The following GALNTL6 variants were observed in gnomAD, a reference collection of about 807,000 sequenced individuals.
GALNTL6 encodes polypeptide N-acetylgalactosaminyltransferase like 6.
In GALNTL6, 46 loss-of-function variants were observed where a neutral mutation model predicts 73.7. That is an observed-to-expected ratio of 0.62 (90% CI 0.49 to 0.80). GALNTL6 has a LOEUF of 0.80. GALNTL6 is among the 30% of genes least tolerant of loss of function. The pLI, the probability that GALNTL6 is intolerant of heterozygous loss-of-function variation, is 0.00. For synonymous variants in GALNTL6, 259 were observed against 263.7 expected (o/e 0.98, Z 0.17); for missense variants, 604 against 755.0 (o/e 0.80, Z 2.34).
At chr4:172,233,136 C>A (rs1737127003) in intron 3 of GALNTL6, among the ~76,000 whole-genome samples, 2 of 147,462 alleles carry the variant, frequency 1.4e-5, no homozygotes, top group Non-Finnish European at 3.0e-5. Flanking sequence ...CGGGTGGCAG[C>A]AGAGGGAGGA....
In GALNTL6 at chr4:172,533,427, C is replaced by T. The variant is rs530266370; in HGVS notation, c.553+184738C>T. On this transcript the variant is annotated intron_variant, in intron 5 of 12. Coordinates refer to ENST00000506823, the MANE Select transcript of GALNTL6 (RefSeq NM_001034845.3). ...GCAACCTCCGCCTCCCCAGTTCAAG[C>T]GATTCTTCTGCCTCAGCCTCCTGAG... Among the ~76,000 whole-genome samples, 4 of 135,082 alleles carry T rather than the reference C, an allele frequency of 3.0e-5. No individual in the cohort carries two copies. The South Asian group carries it at 7.6e-4, about 26-fold the overall frequency. The allele number at this position is 135,082 out of a possible 152,430, so 88.6% of individuals were successfully genotyped here. A position where few individuals can be genotyped will look rare whatever the true frequency, so the allele number is the denominator to read the frequency against.
intron 5 of GALNTL6, among the ~76,000 whole-genome samples, chr4:172,420,307 G>T (rs553154319): frequency 6.6e-6 from 1 of 152,206 alleles, no homozygotes; most frequent in African/African-American, 2.4e-5. Flanking sequence ...AGTCCGTGGT[G>T]TAGCACCATA....
At chr4:172,497,403 A>C (rs1446328229) in intron 5 of GALNTL6, among the ~76,000 whole-genome samples, 1 of 152,200 alleles carries the variant, frequency 6.6e-6, no homozygotes, top group East Asian at 1.9e-4. Flanking sequence ...TTACCTGATG[A>C]TTTTTCTAAA....
intron 5 of GALNTL6, among the ~76,000 whole-genome samples, chr4:172,468,086 C>T (rs551922166): frequency 1.3e-5 from 2 of 151,958 alleles, no homozygotes; most frequent in Non-Finnish European, 2.9e-5. Context: ...GAGATAAAGT[C>T]TTGAGATGTT....
rs111603835 is a variant in GALNTL6, at chr4:171,893,099, G to A, written c.138+78381G>A. On this transcript the variant is annotated intron_variant, in intron 2 of 12. Transcript: ENST00000506823. ...CCGGTTTCACAAATGGATAATGTGC[G>A]GTTTATTGATGTTGAGGTCTTTCCT... Among the ~76,000 whole-genome samples the A allele has an allele frequency of 1.8e-3, 268 of 152,224 alleles. 1 individual carries two copies. The highest frequency in any genetic ancestry group is 5.9e-3 in the African/African-American group (244 of 41,542).
At chr4:172,882,398 T>A (rs892535112) in intron 7 of GALNTL6, among the ~76,000 whole-genome samples, 1 of 152,210 alleles carries the variant, frequency 6.6e-6, no homozygotes, top group Admixed American at 6.5e-5. Context: ...TCAATACTTT[T>A]ATATGTCTGA....
At chr4:172,588,391 C>T (rs1475417010) in intron 5 of GALNTL6, among the ~76,000 whole-genome samples, 2 of 152,038 alleles carry the variant, frequency 1.3e-5, no homozygotes, top group Non-Finnish European at 2.9e-5. Context: ...GCCAGGATTT[C>T]GAGACCAGCT....
intron 5 of GALNTL6, among the ~76,000 whole-genome samples, chr4:172,436,973 T>C (rs957309547): frequency 1.3e-5 from 2 of 152,102 alleles, no homozygotes; most frequent in African/African-American, 4.8e-5. Flanking sequence ...CAGTACTTTA[T>C]TTCCATACGG....
At chr4:172,335,558 G>A (rs924459134) in intron 4 of GALNTL6, among the ~76,000 whole-genome samples, 1 of 152,156 alleles carries the variant, frequency 6.6e-6, no homozygotes. Context: ...GAATTTGGCT[G>A]TGAATTCTTC....
intron 2 of GALNTL6, among the ~76,000 whole-genome samples, chr4:171,949,900 G>T (rs1738819654): frequency 6.6e-6 from 1 of 152,104 alleles, no homozygotes; most frequent in Non-Finnish European, 1.5e-5. Context: ...ATTTTAAAAA[G>T]GAGGTTTGGG....
intron 2 of GALNTL6, among the ~76,000 whole-genome samples, chr4:171,834,922 T>C (rs1735062173): frequency 6.6e-6 from 1 of 152,090 alleles, no homozygotes; most frequent in Non-Finnish European, 1.5e-5. Flanking sequence ...TTGAAGAACC[T>C]TGTAGAGATA....
intron 2 of GALNTL6, among the ~76,000 whole-genome samples, chr4:172,090,684 A>C (rs1330726367): frequency 1.3e-5 from 2 of 151,972 alleles, no homozygotes; most frequent in Non-Finnish European, 2.9e-5. Flanking sequence ...GCTGTGCAGA[A>C]GCTCTTTAGT....
intron 2 of GALNTL6, among the ~76,000 whole-genome samples, chr4:171,980,980 T>C (rs1382165011): frequency 6.6e-6 from 1 of 152,228 alleles, no homozygotes; most frequent in South Asian, 2.1e-4. Context: ...TCAAGTGTTA[T>C]AAATGAAACA....
At chr4:172,981,796 C>CTTTTT (rs56273122) in intron 10 of GALNTL6, among the ~76,000 whole-genome samples, 1 of 101,816 alleles carries the variant, frequency 9.8e-6, no homozygotes, top group Non-Finnish European at 1.9e-5. Context: ...GTATGAACGT[C>CTTTTT]TTTTTTTTTT....
At chr4:172,917,800 G>T (rs1255826062) in intron 8 of GALNTL6, among the ~76,000 whole-genome samples, 1 of 152,210 alleles carries the variant, frequency 6.6e-6, no homozygotes, top group East Asian at 1.9e-4. Flanking sequence ...CACTGTTGGT[G>T]GGACTGTAAA....
At position 172,229,608 on chromosome 4, in the gene GALNTL6, A is replaced by G. The variant is rs2110967161; in HGVS notation, c.139-48A>G. ...GCCCGGCTGTGTTTACCTACCATGC[A>G]AAAGGAAATACCTCCTTTTTATGCT... On this transcript the variant is annotated intron_variant, in intron 2 of 12. Coordinates refer to ENST00000506823, the MANE Select transcript of GALNTL6 (RefSeq NM_001034845.3). 3 of 1,228,282 alleles carry G rather than the reference A, an allele frequency of 2.4e-6. No individual in the cohort carries two copies. In the East Asian group the frequency reaches 7.0e-5, roughly 29 times the overall value. 76.1% of individuals were successfully genotyped at this position (1,228,282 alleles called of 1,614,324 possible).
At chr4:172,079,861 T>G (rs945413673) in intron 2 of GALNTL6, among the ~76,000 whole-genome samples, 7 of 152,026 alleles carry the variant, frequency 4.6e-5, no homozygotes, top group Non-Finnish European at 2.9e-5. Flanking sequence ...TTTGTTCTCT[T>G]TAACTTTTTA....
At chr4:172,188,291 A>G (rs556271028) in intron 2 of GALNTL6, among the ~76,000 whole-genome samples, 1 of 152,354 alleles carries the variant, frequency 6.6e-6, no homozygotes, top group African/African-American at 2.4e-5. Context: ...ATGTTGTCCA[A>G]AATGAAATAC....
At position 171,928,307 on chromosome 4, in the gene GALNTL6, T is replaced by G. The variant is rs150681143; in HGVS notation, c.138+113589T>G. ...ATTTCTTCTTAAAAGATGGAGAGTT[T>G]GAGGTCAGGGAGTTTAAAATTTTTC... On this transcript the variant is annotated intron_variant, in intron 2 of 12. Transcript: ENST00000506823. Among the ~76,000 whole-genome samples, 213 of 152,276 alleles carry G rather than the reference T, an allele frequency of 1.4e-3. 1 individual carries two copies. Among genetic ancestry groups the G allele is most frequent in the African/African-American group, 4.8e-3 (200 of 41,564 alleles).
Sources: gnomAD v4.1 joint callset for allele counts (sites outside exome capture counted in the v4.1 genomes callset) on GRCh38, gnomAD v4.1.1 for gene constraint, MANE v1.5 for transcripts, NCBI Gene and HGNC (gene_info 2026-07-23, HGNC 2026-07-21) for gene names.